SRPK2: variants seen among roughly 807,000 people sequenced by gnomAD.
SRPK2 encodes the protein SRSF protein kinase 2, also known as SFRS protein kinase 2.
Under a neutral mutation model 90.8 loss-of-function variants are expected in SRPK2, and 21 were observed. That is an observed-to-expected ratio of 0.23 (90% confidence interval 0.16 to 0.33). The LOEUF (loss-of-function observed/expected upper bound fraction) is 0.33, where lower values mean the gene tolerates loss of function less well. SRPK2 is among the 10% of genes least tolerant of loss of function. The probability of loss-of-function intolerance (pLI) is 1.00; values close to 1 mark genes in which losing one functional copy is unlikely to be tolerated. For synonymous variants in SRPK2, 288 were observed against 311.1 expected, an observed-to-expected ratio of 0.93 and a Z score of 0.78; for missense variants, 620 against 869.0, an observed-to-expected ratio of 0.71 and a Z score of 3.60.
At chr7:105,295,350 ATT>A (rs915871429) in intron 2 of SRPK2, among the ~76,000 whole-genome samples, 5 of 151,902 alleles carry the variant, frequency 3.3e-5, no homozygotes, top group African/African-American at 1.2e-4. Flanking sequence ...TTATATAAAT[ATT>A]TTTATGTAAA....
chr7:105,363,103 G>A lies in SRPK2; in HGVS notation c.71+25545C>T, dbSNP rs189190664. ...CTTAATGTAAATGATGAGTTAACGG[G>A]TGCAGCACACCAACATGGCACATGT... On this transcript the variant is annotated intron_variant, in intron 2 of 15. Coordinates refer to ENST00000393651, the MANE Select transcript of SRPK2 (RefSeq NM_182692.3). 4.3e-3 allele frequency among the ~76,000 whole-genome samples: 655 copies of A among 152,190 alleles called. 4 individuals are homozygous for A. Among genetic ancestry groups the A allele is most frequent in the Non-Finnish European group, 7.2e-3 (488 of 68,026 alleles).
chr7:105,169,312 T>A, intron 3 of SRPK2, 47 bp from the exon 4 acceptor site: 1 of 1,410,478 alleles, frequency 7.1e-7, no homozygotes, highest in Non-Finnish European at 1.0e-6. Context: ...ATTCGAAAAG[T>A]AGTAATAAAC....
chr7:105,333,159 A>C (rs975913828), intron 2 of SRPK2, among the ~76,000 whole-genome samples: 19 of 152,226 alleles, frequency 1.2e-4, no homozygotes, highest in Admixed American at 1.2e-3. Flanking sequence ...GTGCCACTGC[A>C]CTCCAGCCTG....
intron 2 of SRPK2, among the ~76,000 whole-genome samples, chr7:105,341,146 A>G (rs1209737231): frequency 6.6e-6 from 1 of 151,484 alleles, no homozygotes; most frequent in African/African-American, 2.4e-5. Context: ...CAGGCAGACC[A>G]CAAGGTCAGG....
At chr7:105,320,212 A>G (rs748747453) in intron 2 of SRPK2, among the ~76,000 whole-genome samples, 1 of 151,682 alleles carries the variant, frequency 6.6e-6, no homozygotes, top group South Asian at 2.1e-4. Context: ...TTCTCTCACA[A>G]TCACACAAAC....
chr7:105,301,593 G>A, intron 2 of SRPK2: 1 of 1,603,062 alleles, frequency 6.2e-7, no homozygotes, highest in Non-Finnish European at 8.5e-7. Context: ...AAAGTTTCCG[G>A]GAATTAAGTT....
chr7:105,254,768 T>C (rs542121038), intron 2 of SRPK2, among the ~76,000 whole-genome samples: 116 of 152,096 alleles, frequency 7.6e-4, no homozygotes, highest in African/African-American at 2.6e-3. Context: ...TGGCTCGCTG[T>C]AGCCTTTGCC....
intron 2 of SRPK2, among the ~76,000 whole-genome samples, chr7:105,354,122 G>A (rs760183177): frequency 8.4e-4 from 128 of 152,206 alleles, no homozygotes; most frequent in Non-Finnish European, 2.4e-4. Context: ...GAGCAAGAAT[G>A]TGCCAAAATA....
At chr7:105,282,487 A>C in intron 2 of SRPK2, among the ~76,000 whole-genome samples, 1 of 152,242 alleles carries the variant, frequency 6.6e-6, no homozygotes, top group Non-Finnish European at 1.5e-5. Context: ...CATAAAAATT[A>C]AAAACATTTG....
chr7:105,285,359 TG>T (rs1343081219), intron 2 of SRPK2, among the ~76,000 whole-genome samples: 2 of 120,636 alleles, frequency 1.7e-5, no homozygotes, highest in South Asian at 5.0e-4. Context: ...CACTCTAAAC[TG>T]GGCAACAGAG....
At chr7:105,308,606 C>T (rs995640622) in intron 2 of SRPK2, among the ~76,000 whole-genome samples, 1 of 152,088 alleles carries the variant, frequency 6.6e-6, no homozygotes, top group African/African-American at 2.4e-5. Context: ...TTGGCAAGAC[C>T]ACTTCTGCAG....
intron 2 of SRPK2, among the ~76,000 whole-genome samples, chr7:105,382,970 G>A (rs1469565678): frequency 6.6e-6 from 1 of 151,466 alleles, no homozygotes; most frequent in Non-Finnish European, 1.5e-5. Flanking sequence ...ATCAACGTCA[G>A]GGAAGTTGAA....
At chr7:105,227,224 AGT>A (rs1015644496) in intron 2 of SRPK2, among the ~76,000 whole-genome samples, 3 of 152,314 alleles carry the variant, frequency 2.0e-5, no homozygotes, top group African/African-American at 7.2e-5. Flanking sequence ...GGGTACAGGT[AGT>A]ATATGGTTAC....
intron 2 of SRPK2, chr7:105,301,572 T>A: frequency 6.3e-7 from 1 of 1,582,926 alleles, no homozygotes; most frequent in Non-Finnish European, 8.7e-7. Context: ...GCTCTATTTA[T>A]GAAGGAGATG....
intron 7 of SRPK2, among the ~76,000 whole-genome samples, chr7:105,149,710 T>A (rs1805336741): frequency 6.6e-6 from 1 of 152,204 alleles, no homozygotes. Context: ...GTGGAAGGCA[T>A]CTGATCAACA....
intron 2 of SRPK2, among the ~76,000 whole-genome samples, chr7:105,319,322 G>A (rs886351180): frequency 6.6e-6 from 1 of 152,062 alleles, no homozygotes; most frequent in Non-Finnish European, 1.5e-5. Flanking sequence ...GAATAGAAGA[G>A]TTTAAGTATA....
At chr7:105,212,950 T>C (rs992994922) in intron 2 of SRPK2, among the ~76,000 whole-genome samples, 5 of 152,154 alleles carry the variant, frequency 3.3e-5, no homozygotes, top group East Asian at 1.9e-4. Context: ...ACTATTTACA[T>C]AGTATATACA....
intron 2 of SRPK2, among the ~76,000 whole-genome samples, chr7:105,320,178 C>A (rs1287407600): frequency 6.6e-6 from 1 of 152,154 alleles, no homozygotes; most frequent in East Asian, 1.9e-4. Flanking sequence ...TTTAAAAAAT[C>A]AGTGACACAT....
chr7:105,267,936 G>A (rs1805320831), intron 2 of SRPK2, among the ~76,000 whole-genome samples: 1 of 151,992 alleles, frequency 6.6e-6, no homozygotes, highest in Non-Finnish European at 1.5e-5. Context: ...TAACCTATTA[G>A]GTAACCAAGA....
Sources: allele counts gnomAD v4.1 joint callset (sites outside exome capture counted in the v4.1 genomes callset), GRCh38; gene constraint gnomAD v4.1.1; transcripts MANE v1.5; gene names NCBI Gene and HGNC (gene_info 2026-07-23, HGNC 2026-07-21).